The following LRFN5 variants were observed in gnomAD, a reference collection of about 807,000 sequenced individuals.
LRFN5 encodes the protein leucine-rich repeat and fibronectin type-III domain-containing protein 5.
Under a neutral mutation model 45.6 loss-of-function variants are expected in LRFN5, and 24 were observed. That is an observed-to-expected ratio of 0.53 (90% CI 0.38 to 0.74). LRFN5 has a LOEUF of 0.74. LRFN5 is among the 30% of genes least tolerant of loss of function. The probability of loss-of-function intolerance (pLI) is 0.00; values close to 1 mark genes in which losing one functional copy is unlikely to be tolerated. For synonymous variants in LRFN5, 340 were observed against 313.8 expected (o/e 1.08, Z -0.88); for missense variants, 776 against 861.5 (o/e 0.90, Z 1.24).
At chr14:41,731,851 A>T (rs1026958362) in intron 1 of LRFN5, 3 of 152,178 alleles carry the variant, frequency 2.0e-5, no homozygotes, top group Admixed American at 2.0e-4. Context: ...GGTGGTGCAG[A>T]TGCCTCACAT....
chr14:41,836,241 T>C (rs868616294), intron 2 of LRFN5, among the ~76,000 whole-genome samples: 1 of 152,210 alleles, frequency 6.6e-6, no homozygotes, highest in Non-Finnish European at 1.5e-5. Flanking sequence ...TGAATATCTC[T>C]GGAAAAATGG....
intron 1 of LRFN5, among the ~76,000 whole-genome samples, chr14:41,611,502 T>C (rs927722625): frequency 2.0e-5 from 3 of 152,180 alleles, no homozygotes; most frequent in Non-Finnish European, 2.9e-5. Context: ...CCTCCTTCTT[T>C]GTAAGCCCTC....
intron 1 of LRFN5, among the ~76,000 whole-genome samples, chr14:41,704,436 C>CTGTGTGTGTGTGTGTG (rs1430752309): frequency 0.041 from 3,690 of 89,138 alleles, 198 homozygotes; most frequent in African/African-American, 0.13. Flanking sequence ...CTCTCTCTCT[C>CTGTGTGTGTGTGTGTG]TCTCTCTCTC....
rs78029655 is a variant in LRFN5, at chr14:41,759,947, G to A, written c.-196-6907G>A. ...TTATGTAAATTTTCATGCAGTCGTG[G>A]AAATAACACAGAGGGATTCCCACAT... On this transcript the variant is annotated intron_variant, in intron 1 of 5. Coordinates refer to ENST00000298119, the MANE Select transcript of LRFN5 (RefSeq NM_152447.5). Among the ~76,000 whole-genome samples the A allele has an allele frequency of 3.9e-5, 6 of 152,292 alleles. No homozygotes were observed. The East Asian group carries it at 1.2e-3, about 29-fold the overall frequency.
At chr14:41,824,721 C>A (rs925807352) in intron 2 of LRFN5, among the ~76,000 whole-genome samples, 2 of 152,110 alleles carry the variant, frequency 1.3e-5, no homozygotes, top group Non-Finnish European at 2.9e-5. Context: ...GTGGGGTGTT[C>A]TGTGGAATGC....
chr14:41,659,786 A>G (rs999990816), intron 1 of LRFN5, among the ~76,000 whole-genome samples: 1 of 151,262 alleles, frequency 6.6e-6, no homozygotes. Flanking sequence ...TTTGATTTGC[A>G]TTTCTCTAAT....
intron 2 of LRFN5, among the ~76,000 whole-genome samples, chr14:41,830,155 T>A (rs942590831): frequency 6.6e-6 from 1 of 151,756 alleles, no homozygotes; most frequent in African/African-American, 2.4e-5. Flanking sequence ...TATAAACTTA[T>A]AAATCTGTGG....
At chr14:41,770,244 A>C (rs538387858) in intron 2 of LRFN5, among the ~76,000 whole-genome samples, 1 of 152,206 alleles carries the variant, frequency 6.6e-6, no homozygotes, top group Non-Finnish European at 1.5e-5. Context: ...TTACATTGTA[A>C]TAAGAGATTT....
chr14:41,669,304 AAATT>A (rs1881052477), intron 1 of LRFN5, among the ~76,000 whole-genome samples: 1 of 152,086 alleles, frequency 6.6e-6, no homozygotes, highest in Non-Finnish European at 1.5e-5. Flanking sequence ...CAGAAAAAAA[AAATT>A]AAAGGAAAGA....
At chr14:41,758,502 C>A (rs1488296960) in intron 1 of LRFN5, among the ~76,000 whole-genome samples, 2 of 152,148 alleles carry the variant, frequency 1.3e-5, no homozygotes, top group Non-Finnish European at 2.9e-5. Flanking sequence ...CATTCATAAG[C>A]CTATGGAGAC....
At chr14:41,819,965 T>TTA (rs769866250) in intron 2 of LRFN5, among the ~76,000 whole-genome samples, 5 of 150,098 alleles carry the variant, frequency 3.3e-5, no homozygotes, top group African/African-American at 1.3e-4. Flanking sequence ...ATTTGTTTTT[T>TTA]TTTTTATTTT....
intron 2 of LRFN5, among the ~76,000 whole-genome samples, chr14:41,842,629 A>G (rs972702012): frequency 6.6e-6 from 1 of 152,198 alleles, no homozygotes; most frequent in Non-Finnish European, 1.5e-5. Context: ...TGTTTGTTAA[A>G]TATTTCCCAC....
intron 2 of LRFN5, among the ~76,000 whole-genome samples, chr14:41,852,961 TG>T (rs1401850049): frequency 6.6e-6 from 1 of 151,976 alleles, no homozygotes; most frequent in African/African-American, 2.4e-5. Flanking sequence ...GCTGCCAAGT[TG>T]TCCCATTATA....
At chr14:41,759,504 G>C (rs1470582360) in intron 1 of LRFN5, among the ~76,000 whole-genome samples, 1 of 145,232 alleles carries the variant, frequency 6.9e-6, no homozygotes, top group African/African-American at 2.6e-5. Flanking sequence ...CACACAGAGA[G>C]AGCACCAGAA....
intron 3 of LRFN5, 102 bp downstream of exon 3, chr14:41,888,112 G>A: frequency 1.1e-6 from 1 of 876,776 alleles, no homozygotes; most frequent in Non-Finnish European, 1.7e-6. Flanking sequence ...GTTCTGTGTT[G>A]TAATTCCATA....
rs1555326983 is a variant in LRFN5, at chr14:41,856,677, T to TATTATTATTATTA, written c.-20-29929_-20-29928insATTATTATTATTA. ...CTTTCCTAATTATTATTATTATTAT[T>TATTATTATTATTA]TTTTTTTTTTTTTTTTTGAGACGGA... On this transcript the variant is annotated intron_variant, in intron 2 of 5. Coordinates refer to ENST00000298119, the MANE Select transcript of LRFN5 (RefSeq NM_152447.5). 5.9e-3 allele frequency among the ~76,000 whole-genome samples: 85 copies of TATTATTATTATTA among 14,382 alleles called. 2 individuals are homozygous for TATTATTATTATTA. The highest frequency in any genetic ancestry group is 0.013 in the African/African-American group (82 of 6,414). The allele number at this position is 14,382 out of a possible 152,430, so 9.4% of individuals were successfully genotyped here. A position where few individuals can be genotyped will look rare whatever the true frequency, so the allele number is the denominator to read the frequency against.
At chr14:41,744,423 T>A (rs780630906) in intron 1 of LRFN5, among the ~76,000 whole-genome samples, 10 of 151,926 alleles carry the variant, frequency 6.6e-5, no homozygotes, top group African/African-American at 9.7e-5. Flanking sequence ...TACAAAAAAA[T>A]TTAAGTAAAC....
chr14:41,669,946 A>G (rs1261315041), intron 1 of LRFN5, among the ~76,000 whole-genome samples: 1 of 147,636 alleles, frequency 6.8e-6, no homozygotes, highest in Non-Finnish European at 1.5e-5. Flanking sequence ...AATAAAAAAA[A>G]TTTGCTATAT....
At chr14:41,861,350 AAAG>A in intron 2 of LRFN5, among the ~76,000 whole-genome samples, 1 of 152,306 alleles carries the variant, frequency 6.6e-6, no homozygotes, top group East Asian at 1.9e-4. Flanking sequence ...CTATTACTAT[AAAG>A]AAGACCATTT....
Sources: gnomAD v4.1 joint callset for allele counts (sites outside exome capture counted in the v4.1 genomes callset) on GRCh38, gnomAD v4.1.1 for gene constraint, MANE v1.5 for transcripts, NCBI Gene and HGNC (gene_info 2026-07-23, HGNC 2026-07-21) for gene names.